LIPI: variants seen among roughly 807,000 people sequenced by gnomAD.
The protein encoded by LIPI is lipase I, also known as lipase member I.
A neutral mutation model predicts 50.6 loss-of-function variants in LIPI; 59 were observed. The observed-to-expected ratio is 1.16, with a 90% CI of 0.94 to 1.45. LIPI has a LOEUF of 1.45. Among genes scored for constraint, LIPI ranks in the 40% most tolerant of loss-of-function variants. The probability of loss-of-function intolerance (pLI) is 0.00; values close to 1 mark genes in which losing one functional copy is unlikely to be tolerated. For synonymous variants in LIPI, 203 were observed against 178.2 expected, an observed-to-expected ratio of 1.14 and a Z score of -1.11; for missense variants, 586 against 536.3, an observed-to-expected ratio of 1.09 and a Z score of -0.92.
At chr21:14,110,921 A>G (rs2016384642) in intron 9 of LIPI, among the ~76,000 whole-genome samples, 2 of 148,266 alleles carry the variant, frequency 1.3e-5, no homozygotes, top group Non-Finnish European at 3.0e-5. Context: ...TTTTTAATAT[A>G]TATAGTATAT....
At chr21:14,187,803 A>G (rs2159937) in intron 2 of LIPI, among the ~76,000 whole-genome samples, 4 of 152,200 alleles carry the variant, frequency 2.6e-5, no homozygotes, top group African/African-American at 7.2e-5. Context: ...GCACATATAT[A>G]TTAATTCAAT....
At chr21:14,161,622 AATATATTAATATATAATATATACATTATT>A (rs1568858286) in intron 7 of LIPI, among the ~76,000 whole-genome samples, 2 of 95,562 alleles carry the variant, frequency 2.1e-5, no homozygotes, top group Non-Finnish European at 3.7e-5. Context: ...ATACATATAT[AATATATTAATATATAATATATACATTATT>A]ATATATTAAT....
At chr21:14,109,560 T>C (rs1022087242) in intron 9 of LIPI, among the ~76,000 whole-genome samples, 1 of 152,076 alleles carries the variant, frequency 6.6e-6, no homozygotes, top group Non-Finnish European at 1.5e-5. Flanking sequence ...TTATATTTAA[T>C]ATTTCAAGCT....
At chr21:14,163,602 AG>A in intron 6 of LIPI, 79 bp from the exon 7 acceptor site, 1 of 777,094 alleles carries the variant, frequency 1.3e-6, no homozygotes, top group African/African-American at 1.7e-5. Flanking sequence ...AGTAACTAAA[AG>A]ATCAGTGCAT....
At chr21:14,144,574 T>C (rs1568847634) in intron 9 of LIPI, 49 bp downstream of exon 9, 6 of 1,031,820 alleles carry the variant, frequency 5.8e-6, no homozygotes, top group African/African-American at 1.6e-5. Flanking sequence ...AAACCAATAT[T>C]TTCAAGTTTA....
intron 8 of LIPI, among the ~76,000 whole-genome samples, chr21:14,146,656 T>C (rs971173838): frequency 6.6e-6 from 1 of 152,142 alleles, no homozygotes; most frequent in Non-Finnish European, 1.5e-5. Context: ...TCAGTGGTTT[T>C]CATGTGCCCA....
At chr21:14,195,032 T>C (rs1472301000) in intron 1 of LIPI, among the ~76,000 whole-genome samples, 2 of 152,114 alleles carry the variant, frequency 1.3e-5, no homozygotes, top group East Asian at 3.9e-4. Context: ...TATAAACTCA[T>C]AGCTTTCTGC....
In LIPI at chr21:14,163,539, T is replaced by C. The variant is rs1218253904; in HGVS notation, c.902-16A>G. 4 of 1,165,888 alleles carry C rather than the reference T, an allele frequency of 3.4e-6. No individual in the cohort carries two copies. Among genetic ancestry groups the C allele is most frequent in the East Asian group, 2.3e-5 (1 of 42,716 alleles). The allele number at this position is 1,165,888 out of a possible 1,614,324, so 72.2% of individuals were successfully genotyped here. A position where few individuals can be genotyped will look rare whatever the true frequency, so the allele number is the denominator to read the frequency against. On this transcript the variant is annotated splice_polypyrimidine_tract_variant and intron_variant, in intron 6 of 9. Transcript: ENST00000681601. ...GCTTGATAACCTGAGATTTGAGAAATAGAACATTAGAAATTGGATTTCCAT... is the reference window on the plus strand; with the variant it reads ...GCTTGATAACCTGAGATTTGAGAAACAGAACATTAGAAATTGGATTTCCAT...
At chr21:14,129,188 G>A (rs1190845264) in intron 9 of LIPI, among the ~76,000 whole-genome samples, 1 of 151,898 alleles carries the variant, frequency 6.6e-6, no homozygotes, top group African/African-American at 2.4e-5. Flanking sequence ...TCAAATTGGG[G>A]ACCAATCAGG....
chr21:14,129,872 C>A (rs147794382), intron 9 of LIPI, among the ~76,000 whole-genome samples: 31 of 150,412 alleles, frequency 2.1e-4, no homozygotes, highest in African/African-American at 7.6e-4. Context: ...AAGTGAGGCA[C>A]AACTCACACA....
chr21:14,152,092 T>C (rs1352605079), intron 8 of LIPI, among the ~76,000 whole-genome samples: 1 of 150,460 alleles, frequency 6.6e-6, no homozygotes, highest in Non-Finnish European at 1.5e-5. Context: ...TATTTATTTA[T>C]TTATTTATTT....
chr21:14,171,128 G>A (rs1465773668), intron 4 of LIPI, among the ~76,000 whole-genome samples: 1 of 149,638 alleles, frequency 6.7e-6, no homozygotes. Flanking sequence ...GCTTCAAAGA[G>A]AATAAAATAC....
intron 9 of LIPI, among the ~76,000 whole-genome samples, chr21:14,131,080 G>T (rs1444104889): frequency 1.3e-5 from 2 of 152,022 alleles, no homozygotes; most frequent in Non-Finnish European, 2.9e-5. Flanking sequence ...CCTCCTGAGT[G>T]GCTGGGACTA....
At chr21:14,163,389 GTTTA>G (rs1326543038) in intron 7 of LIPI, 26 bp downstream of exon 7, 7 of 1,064,130 alleles carry the variant, frequency 6.6e-6, no homozygotes, top group Non-Finnish European at 1.0e-5. Context: ...CTAAAAATTT[GTTTA>G]TTTGTTAAAA....
intron 4 of LIPI, among the ~76,000 whole-genome samples, chr21:14,179,010 C>A (rs2123230836): frequency 6.6e-6 from 1 of 152,210 alleles, no homozygotes. Flanking sequence ...ATTTGTTCAG[C>A]TTTACCCATG....
intron 4 of LIPI, among the ~76,000 whole-genome samples, chr21:14,169,831 T>A (rs1160828059): frequency 7.9e-5 from 12 of 151,986 alleles, no homozygotes; most frequent in Admixed American, 5.2e-4. Flanking sequence ...AACACATTCA[T>A]AAGCTAGCAG....
At chr21:14,168,930 G>A (rs2018791883) in intron 4 of LIPI, among the ~76,000 whole-genome samples, 1 of 151,166 alleles carries the variant, frequency 6.6e-6, no homozygotes, top group Non-Finnish European at 1.5e-5. Flanking sequence ...ATTGGATAAA[G>A]AGTCAAGACC....
chr21:14,118,218 G>A (rs2016728540), intron 9 of LIPI, among the ~76,000 whole-genome samples: 1 of 152,092 alleles, frequency 6.6e-6, no homozygotes, highest in African/African-American at 2.4e-5. Flanking sequence ...TGAAGACTGA[G>A]ACAGATCGGG....
chr21:14,165,181 A>G, intron 6 of LIPI, 42 bp downstream of exon 6: 2 of 1,390,818 alleles, frequency 1.4e-6, no homozygotes, highest in East Asian at 2.3e-5. Context: ...TATGTTATTC[A>G]TATTAAATAA....
Sources: gnomAD v4.1 joint callset for allele counts (sites outside exome capture counted in the v4.1 genomes callset) on GRCh38, gnomAD v4.1.1 for gene constraint, MANE v1.5 for transcripts, NCBI Gene and HGNC (gene_info 2026-07-23, HGNC 2026-07-21) for gene names.